PLXDC2: variants seen among roughly 807,000 people sequenced by gnomAD.
PLXDC2 encodes plexin domain containing 2, also known as plexin domain-containing protein 2.
A neutral mutation model predicts 68.9 loss-of-function variants in PLXDC2; 40 were observed. The observed-to-expected ratio is 0.58, with a 90% CI of 0.45 to 0.76. The LOEUF (loss-of-function observed/expected upper bound fraction) is 0.76, where lower values mean the gene tolerates loss of function less well. Ranked by LOEUF, PLXDC2 falls within the 30% of genes least tolerant of loss-of-function variation. The pLI is 0.00. For missense variants in PLXDC2, 644 were observed against 661.9 expected, an observed-to-expected ratio of 0.97 and a Z score of 0.30; for synonymous variants, 243 against 234.2, an observed-to-expected ratio of 1.04 and a Z score of -0.34.
intron 1 of PLXDC2, among the ~76,000 whole-genome samples, chr10:19,826,113 G>T (rs1347805366): frequency 6.6e-6 from 1 of 152,144 alleles, no homozygotes; most frequent in Non-Finnish European, 1.5e-5. Context: ...GTTCTTAGTG[G>T]ATATGGGTTC....
chr10:20,184,262 A>G (rs1834649121), intron 9 of PLXDC2, among the ~76,000 whole-genome samples: 1 of 151,278 alleles, frequency 6.6e-6, no homozygotes, highest in Non-Finnish European at 1.5e-5. Context: ...AAAGAGAAAC[A>G]AAAAGAATCA....
chr10:20,144,896 A>G (rs541277487), intron 5 of PLXDC2, among the ~76,000 whole-genome samples: 17 of 152,182 alleles, frequency 1.1e-4, no homozygotes, highest in Non-Finnish European at 2.5e-4. Context: ...GTCTCTCTTC[A>G]TATATTTTCA....
chr10:19,912,597 A>G (rs1833294147), intron 1 of PLXDC2, among the ~76,000 whole-genome samples: 1 of 152,134 alleles, frequency 6.6e-6, no homozygotes, highest in African/African-American at 2.4e-5. Flanking sequence ...TTGATACGAG[A>G]TATTGGTGCC....
At chr10:19,867,112 C>G (rs1479581186) in intron 1 of PLXDC2, among the ~76,000 whole-genome samples, 1 of 140,546 alleles carries the variant, frequency 7.1e-6, no homozygotes, top group East Asian at 2.1e-4. Flanking sequence ...GTTGCCCAGG[C>G]TGGAGTGCAA....
chr10:20,263,496 A>C (rs1157056094), intron 13 of PLXDC2, among the ~76,000 whole-genome samples: 1 of 152,220 alleles, frequency 6.6e-6, no homozygotes, highest in African/African-American at 2.4e-5. Flanking sequence ...CAAAAGCAAA[A>C]ATTGGCAAAT....
At chr10:20,133,454 A>C (rs1564327709) in intron 4 of PLXDC2, among the ~76,000 whole-genome samples, 1 of 152,104 alleles carries the variant, frequency 6.6e-6, no homozygotes, top group Non-Finnish European at 1.5e-5. Flanking sequence ...TTCATTGTAA[A>C]AGTCAACTTG....
intron 4 of PLXDC2, among the ~76,000 whole-genome samples, chr10:20,119,890 T>A (rs1833673695): frequency 6.6e-6 from 1 of 151,970 alleles, no homozygotes; most frequent in Non-Finnish European, 1.5e-5. Context: ...CTAAATAGAA[T>A]AAGAGAAGGA....
intron 1 of PLXDC2, among the ~76,000 whole-genome samples, chr10:19,929,006 C>T (rs902823024): frequency 5.3e-5 from 8 of 151,624 alleles, no homozygotes; most frequent in African/African-American, 1.7e-4. Flanking sequence ...TCGCCCACTT[C>T]GGCCTCCCAA....
At chr10:20,217,888 A>C (rs1835161679) in intron 11 of PLXDC2, among the ~76,000 whole-genome samples, 1 of 152,062 alleles carries the variant, frequency 6.6e-6, no homozygotes, top group Non-Finnish European at 1.5e-5. Context: ...CTGTGTGGCT[A>C]AATTTTGTAC....
intron 1 of PLXDC2, among the ~76,000 whole-genome samples, chr10:19,909,433 G>C (rs1418984647): frequency 2.0e-5 from 3 of 152,066 alleles, no homozygotes; most frequent in Admixed American, 6.6e-5. Flanking sequence ...GATTAATAAG[G>C]CTTTTAAAAG....
chr10:19,979,931 A>C (rs1005716693), intron 1 of PLXDC2, among the ~76,000 whole-genome samples: 1 of 152,144 alleles, frequency 6.6e-6, no homozygotes, highest in Non-Finnish European at 1.5e-5. Flanking sequence ...TTCCTAATTG[A>C]ATGTGTATCA....
intron 4 of PLXDC2, among the ~76,000 whole-genome samples, chr10:20,124,111 G>A (rs1833737791): frequency 6.6e-6 from 1 of 152,028 alleles, no homozygotes; most frequent in African/African-American, 2.4e-5. Context: ...GAAGGACAAA[G>A]GCAGGTGTCC....
intron 1 of PLXDC2, among the ~76,000 whole-genome samples, chr10:19,869,596 T>G (rs1837495802): frequency 1.3e-5 from 2 of 152,096 alleles, no homozygotes; most frequent in African/African-American, 4.8e-5. Context: ...AGGATTAAAT[T>G]AAAGAATAAG....
chr10:20,186,166 T>C (rs1395478754), intron 9 of PLXDC2, among the ~76,000 whole-genome samples: 2 of 151,980 alleles, frequency 1.3e-5, no homozygotes, highest in Non-Finnish European at 2.9e-5. Flanking sequence ...CTTGCTGAAA[T>C]ATCAGATTCA....
At chr10:20,117,458 G>C (rs1342112093) in intron 4 of PLXDC2, among the ~76,000 whole-genome samples, 2 of 152,154 alleles carry the variant, frequency 1.3e-5, no homozygotes, top group Non-Finnish European at 1.5e-5. Flanking sequence ...ATTTATATGA[G>C]AGAACAAAGG....
rs1835179025 is a variant in PLXDC2, at chr10:20,219,168, AT to A, written c.1312+67del. On this transcript the variant is annotated intron_variant, in intron 12 of 13. Coordinates refer to ENST00000377252, the MANE Select transcript of PLXDC2 (RefSeq NM_032812.9). ...ATGAATTCATTTCATTTATTTTACT[AT>A]GAGAAAGGCAATACGGGCTTCTAGA... 10 of 1,510,092 alleles carry A rather than the reference AT, an allele frequency of 6.6e-6. No homozygotes were observed. The South Asian group carries it at 1.2e-4, about 18-fold the overall frequency. 93.5% of individuals were successfully genotyped at this position (1,510,092 alleles called of 1,614,324 possible). A position where few individuals can be genotyped will look rare whatever the true frequency, so the allele number is the denominator to read the frequency against.
intron 12 of PLXDC2, among the ~76,000 whole-genome samples, chr10:20,221,430 G>A (rs1588526017): frequency 2.6e-5 from 4 of 152,278 alleles, no homozygotes; most frequent in Admixed American, 2.6e-4. Context: ...AGGCATTCAT[G>A]AGAATTCCAA....
At chr10:20,112,077 A>G (rs1356403345) in intron 4 of PLXDC2, among the ~76,000 whole-genome samples, 2 of 152,148 alleles carry the variant, frequency 1.3e-5, no homozygotes, top group Non-Finnish European at 2.9e-5. Flanking sequence ...GGACACAGCA[A>G]GAAGGTCTGT....
rs1438004251 is a variant in PLXDC2 at position 20,279,917 on chromosome 10, C to T, written c.*98C>T. On this transcript the variant is annotated 3_prime_UTR_variant, in exon 14 of 14. Transcript: ENST00000377252. ...ACAAACAAACAAACACACACACAAA[C>T]AAGCTCTAAGCTGCTGTAGCCTGAA... 1.0e-5 allele frequency: 9 copies of T among 891,108 alleles called. No homozygotes were observed. Among genetic ancestry groups the T allele is most frequent in the Admixed American group, 5.7e-5 (3 of 52,350 alleles). 55.2% of individuals were successfully genotyped at this position (891,108 alleles called of 1,614,324 possible).
Sources: allele counts gnomAD v4.1 joint callset (sites outside exome capture counted in the v4.1 genomes callset), GRCh38; gene constraint gnomAD v4.1.1; transcripts MANE v1.5; gene names NCBI Gene and HGNC (gene_info 2026-07-23, HGNC 2026-07-21).